Variants in ACE observed in about 807,000 individuals in gnomAD.
ACE encodes angiotensin I converting enzyme, also known as angiotensin-converting enzyme.
A neutral mutation model predicts 162.3 loss-of-function variants in ACE; 122 were observed. That is an observed-to-expected ratio of 0.75 (90% CI 0.65 to 0.87). ACE has a LOEUF of 0.87. ACE is among the 40% of genes least tolerant of loss of function. The probability of loss-of-function intolerance (pLI) is 0.00; values close to 1 mark genes in which losing one functional copy is unlikely to be tolerated. For synonymous variants in ACE, 796 were observed against 720.6 expected (o/e 1.10, Z -1.68); for missense variants, 1,799 against 1,735.1 (o/e 1.04, Z -0.65).
chr17:63,485,056 C>G (rs1426027153), intron 12 of ACE, 180 bp from the exon 13 acceptor site: 7 of 1,608,942 alleles, frequency 4.4e-6, no homozygotes, highest in Non-Finnish European at 5.9e-6. Flanking sequence ...AGACATCAGC[C>G]CAGAGCCCAA....
Position 63,477,289 on chromosome 17 carries a change from G to T in ACE, c.195G>T (p.Val65=). ...SSAEQVLFQS[V]AASWAHDTNI... ...CCGAACAGGTGCTGTTCCAGAGCGTGGCCGCCAGCTGGGCGCACGACACCA... is the reference window on the plus strand; with the variant it reads ...CCGAACAGGTGCTGTTCCAGAGCGTTGCCGCCAGCTGGGCGCACGACACCA... Residue 65 remains valine (V), a synonymous_variant, in exon 1 of 25, where the codon GTG becomes GTT. Transcript: ENST00000290866. 6.9e-7 allele frequency: 1 copy of T among 1,452,606 alleles called. No individual in the cohort carries two copies. 90.0% of individuals were successfully genotyped at this position (1,452,606 alleles called of 1,614,324 possible).
chr17:63,488,895 G>C (rs770560240), intron 16 of ACE, 46 bp from the exon 17 acceptor site: 1 of 1,613,726 alleles, frequency 6.2e-7, no homozygotes, highest in South Asian at 1.1e-5. Context: ...CCTGGAGGAG[G>C]CAGGTAATGT....
rs2147523338 is a variant in ACE, at chr17:63,477,065, G to A, written c.-30G>A. On this transcript the variant is annotated 5_prime_UTR_variant, in exon 1 of 25. Coordinates refer to ENST00000290866, the MANE Select transcript of ACE (RefSeq NM_000789.4). ...GCAGGGCGGCCGCGGCGCAGGAGAAGGGGCAGAGCCGAGCACCGCGCACCG... is the reference window on the plus strand; with the variant it reads ...GCAGGGCGGCCGCGGCGCAGGAGAAAGGGCAGAGCCGAGCACCGCGCACCG... 1 of 1,243,968 alleles carries A rather than the reference G, an allele frequency of 8.0e-7. No homozygotes were observed. Among genetic ancestry groups the A allele is most frequent in the East Asian group, 3.3e-5 (1 of 29,904 alleles). 77.1% of individuals were successfully genotyped at this position (1,243,968 alleles called of 1,614,324 possible). A position where few individuals can be genotyped will look rare whatever the true frequency, so the allele number is the denominator to read the frequency against.
intron 2 of ACE, chr17:63,478,577 CA>C: frequency 3.1e-6 from 1 of 321,758 alleles, no homozygotes; most frequent in South Asian, 2.9e-5. Context: ...GGGGAAGGAT[CA>C]CCTGAGCCCA....
intron 15 of ACE, 105 bp from the exon 16 acceptor site, chr17:63,488,543 T>TTTTTTTTTTTTTTAG: frequency 1.6e-6 from 2 of 1,253,710 alleles, no homozygotes; most frequent in South Asian, 2.5e-5. Flanking sequence ...CAGTCACTTT[T>TTTTTTTTTTTTTTAG]ATGTGGTTTC....
At chr17:63,485,534 A>G in intron 13 of ACE, 162 bp downstream of exon 13, 1 of 983,394 alleles carries the variant, frequency 1.0e-6, no homozygotes, top group Non-Finnish European at 1.5e-6. Context: ...TAATCCCAGC[A>G]CTTTGGGAGG....
At chr17:63,478,376 T>C in intron 2 of ACE, 1 of 480,446 alleles carries the variant, frequency 2.1e-6, no homozygotes, top group Non-Finnish European at 3.8e-6. Context: ...TTTGGAAGAG[T>C]TGAGAAGGGC....
At position 63,489,095 on chromosome 17, in the gene ACE, C is replaced by T. The variant is rs753727679; in HGVS notation, c.2604C>T (p.His868=). 6 of 1,612,950 alleles carry T rather than the reference C, an allele frequency of 3.7e-6. No individual in the cohort carries two copies. Among genetic ancestry groups the T allele is most frequent in the Non-Finnish European group, 5.1e-6 (6 of 1,180,042 alleles). ...RALHRHYGAQ[H]INLEGPIPAH... is the part of the protein sequence containing the mutation. Reference sequence around the variant, plus strand: ...TGCACCGTCACTACGGGGCCCAGCACATCAACCTGGAGGGGCCCATTCCTG... The same window carrying T: ...TGCACCGTCACTACGGGGCCCAGCATATCAACCTGGAGGGGCCCATTCCTG... The change falls in exon 17 of 25, where the codon CAC becomes CAT. Residue 868 remains histidine, a synonymous_variant. Transcript: ENST00000290866.
rs1323717704 is a variant in ACE at position 63,484,855 on chromosome 17, C to G, written c.1921+314C>G. 14 of 1,568,946 alleles carry G rather than the reference C, an allele frequency of 8.9e-6. No individual in the cohort carries two copies. The highest frequency in any genetic ancestry group is 1.2e-5 in the Non-Finnish European group (14 of 1,156,722). On this transcript the variant is annotated intron_variant, in intron 12 of 24. Coordinates refer to ENST00000290866, the MANE Select transcript of ACE (RefSeq NM_000789.4). The surrounding 1 kb of genome is among the most constrained non-coding windows in gnomAD (Gnocchi z 4.0). ...AGGGGACGGTAGCTGCAGGACTCTGCTCTCCTGCGGCCATGGGCCAGGGTT... is the reference window on the plus strand; with the variant it reads ...AGGGGACGGTAGCTGCAGGACTCTGGTCTCCTGCGGCCATGGGCCAGGGTT...
In ACE at chr17:63,484,110, G is replaced by A. The variant is rs557630959; in HGVS notation, c.1709+139G>A. On this transcript the variant is annotated intron_variant, in intron 11 of 24. Coordinates refer to ENST00000290866, the MANE Select transcript of ACE (RefSeq NM_000789.4). The surrounding 1 kb of genome is among the most constrained non-coding windows in gnomAD (Gnocchi z 4.0). ...GACTGATGTGGATGCCTGTCTCCTC[G>A]CTATGTCATCAAATATTTATTGAGT... The A allele has an allele frequency of 6.4e-6, 9 of 1,410,450 alleles. No individual in the cohort carries two copies. Among genetic ancestry groups the A allele is most frequent in the South Asian group, 2.7e-5 (2 of 75,054 alleles). The allele number at this position is 1,410,450 out of a possible 1,614,324, so 87.4% of individuals were successfully genotyped here. A position where few individuals can be genotyped will look rare whatever the true frequency, so the allele number is the denominator to read the frequency against.
intron 3 of ACE, 101 bp downstream of exon 3, chr17:63,479,201 A>C: frequency 2.0e-6 from 2 of 995,994 alleles, no homozygotes; most frequent in Admixed American, 2.0e-5. Flanking sequence ...TGGAGACAGC[A>C]GGTAAACCCA....
intron 22 of ACE, among the ~76,000 whole-genome samples, chr17:63,494,983 C>G (rs1230748810): frequency 6.6e-6 from 1 of 152,182 alleles, no homozygotes; most frequent in Admixed American, 6.5e-5. Flanking sequence ...GGTTCAAACT[C>G]CGTCTCCATT....
rs568237249 is a variant in ACE at position 63,477,756 on chromosome 17, T to C, written c.250-175T>C. On this transcript the variant is annotated intron_variant, in intron 1 of 24. Coordinates refer to ENST00000290866, the MANE Select transcript of ACE (RefSeq NM_000789.4). The stretch of plus-strand genomic sequence containing the variant: ...CACCATTCCCATGAGGCAGATTCCC[T>C]CCAGAAGGAGGAAGCGCGGCTTCCG... 2.7e-5 allele frequency: 20 copies of C among 737,812 alleles called. No individual in the cohort carries two copies. In the South Asian group the frequency reaches 3.5e-4, roughly 13 times the overall value. 45.7% of individuals were successfully genotyped at this position (737,812 alleles called of 1,614,324 possible).
chr17:63,487,297 C>T (rs1202915289), intron 15 of ACE, among the ~76,000 whole-genome samples: 6 of 152,114 alleles, frequency 3.9e-5, no homozygotes, highest in Non-Finnish European at 8.8e-5. Context: ...TCAGAACCGC[C>T]CTCTGCTTAA....
Position 63,484,840 on chromosome 17 carries a change from A to G in ACE, c.1921+299A>G. On this transcript the variant is annotated intron_variant, in intron 12 of 24. Transcript: ENST00000290866. This position sits in a 1 kb window ranked among gnomAD's most constrained non-coding sequence, Gnocchi z 4.0. Reference sequence around the variant, plus strand: ...CCGCTCTTATTGGCCAGGGGACGGTAGCTGCAGGACTCTGCTCTCCTGCGG... The same window carrying G: ...CCGCTCTTATTGGCCAGGGGACGGTGGCTGCAGGACTCTGCTCTCCTGCGG... The G allele has an allele frequency of 2.6e-6, 4 of 1,550,088 alleles. No homozygotes were observed. Among genetic ancestry groups the G allele is most frequent in the Non-Finnish European group, 3.5e-6 (4 of 1,146,462 alleles).
At chr17:63,486,496 C>T in intron 13 of ACE, 61 bp from the exon 14 acceptor site, 2 of 1,598,926 alleles carry the variant, frequency 1.3e-6, no homozygotes, top group Non-Finnish European at 1.7e-6. Flanking sequence ...CTTGGGGCCT[C>T]CCGCTCAGAG....
chr17:63,487,158 G>T (rs561861691), intron 15 of ACE, 85 bp downstream of exon 15: 99 of 1,223,600 alleles, frequency 8.1e-5, no homozygotes, highest in Admixed American at 3.1e-4. Context: ...GCACAGAGTT[G>T]GGTTCCCCTC....
Position 63,477,326 on chromosome 17 carries a change from G to T in ACE, c.232G>T (p.Glu78Ter). The T allele has an allele frequency of 7.3e-7, 1 of 1,369,266 alleles. No individual in the cohort carries two copies. Among genetic ancestry groups the T allele is most frequent in the Non-Finnish European group, 9.5e-7 (1 of 1,049,506 alleles). 84.8% of individuals were successfully genotyped at this position (1,369,266 alleles called of 1,614,324 possible). A position where few individuals can be genotyped will look rare whatever the true frequency, so the allele number is the denominator to read the frequency against. ...GGCGCACGACACCAACATCACCGCG[G>T]AGAATGCAAGGCGCCAGGTGGGCGC... is the stretch of plus-strand genomic sequence containing the variant. ...SWAHDTNITA[E>*]NARRQEEAAL... The change falls in exon 1 of 25, where the codon GAG becomes TAG. Residue 78 changes from glutamate (E) to a stop codon, truncating the protein, a stop_gained. Transcript: ENST00000290866. LOFTEE classifies it high-confidence loss of function.
chr17:63,481,921 G>A (rs2049716792), intron 7 of ACE, among the ~76,000 whole-genome samples, 183 bp downstream of exon 7: 1 of 152,188 alleles, frequency 6.6e-6, no homozygotes, highest in African/African-American at 2.4e-5. Context: ...ACCTTCTCTG[G>A]CAGCTTTGAC....
Sources: gnomAD v4.1 joint callset for allele counts (sites outside exome capture counted in the v4.1 genomes callset) on GRCh38, gnomAD v4.1.1 for gene constraint, Gnocchi (gnomAD v3.1) non-coding constraint, MANE v1.5 for transcripts, NCBI Gene and HGNC (gene_info 2026-07-23, HGNC 2026-07-21) for gene names.